The following HIVEP3 variants were observed in gnomAD, a reference collection of about 807,000 sequenced individuals.
The protein encoded by HIVEP3 is transcription factor HIVEP3.
In HIVEP3, 49 loss-of-function variants were observed where a neutral mutation model predicts 152.8. That is an observed-to-expected ratio of 0.32 (90% CI 0.26 to 0.41). The LOEUF (loss-of-function observed/expected upper bound fraction) is 0.41, where lower values mean the gene tolerates loss of function less well. Among genes scored for constraint, HIVEP3 ranks in the 10% least tolerant of loss-of-function variants. The pLI, the probability that HIVEP3 is intolerant of heterozygous loss-of-function variation, is 1.00. For synonymous variants in HIVEP3, 1,269 were observed against 1,289.0 expected, an observed-to-expected ratio of 0.98 and a Z score of 0.33; for missense variants, 2,790 against 3,103.3, an observed-to-expected ratio of 0.90 and a Z score of 2.40.
intron 3 of HIVEP3, among the ~76,000 whole-genome samples, chr1:41,626,742 C>T (rs1051640936): frequency 6.6e-6 from 1 of 152,160 alleles, no homozygotes; most frequent in Admixed American, 6.5e-5. Flanking sequence ...GGAAGTGCCC[C>T]AGGATGCCGA....
At chr1:41,980,416 TC>T (rs1445444697) in intron 1 of HIVEP3, among the ~76,000 whole-genome samples, 1 of 152,176 alleles carries the variant, frequency 6.6e-6, no homozygotes, top group Non-Finnish European at 1.5e-5. Flanking sequence ...GCGATGAATG[TC>T]AAAGGCATTC....
intron 1 of HIVEP3, among the ~76,000 whole-genome samples, chr1:42,030,175 A>C (rs1241691603): frequency 6.6e-6 from 1 of 152,170 alleles, no homozygotes; most frequent in African/African-American, 2.4e-5. Context: ...AGTTTGTCCA[A>C]CCTAGAGCCC....
chr1:41,815,060 C>G (rs745909252), intron 1 of HIVEP3, among the ~76,000 whole-genome samples: 9 of 152,220 alleles, frequency 5.9e-5, no homozygotes, highest in Admixed American at 4.6e-4. Context: ...GTAAGAGGTG[C>G]TATGAAGAAA....
chr1:41,997,175 T>C (rs1645400482), intron 1 of HIVEP3, among the ~76,000 whole-genome samples: 1 of 152,228 alleles, frequency 6.6e-6, no homozygotes, highest in South Asian at 2.1e-4. Flanking sequence ...TCACATAGCA[T>C]AGCATCATGT....
chr1:41,810,011 C>G (rs1301498145), intron 1 of HIVEP3, among the ~76,000 whole-genome samples: 1 of 152,184 alleles, frequency 6.6e-6, no homozygotes, highest in African/African-American at 2.4e-5. Context: ...GTGGGTGCAG[C>G]TGCCCAAATT....
At chr1:41,944,796 A>T (rs575353549) in intron 1 of HIVEP3, among the ~76,000 whole-genome samples, 1 of 152,324 alleles carries the variant, frequency 6.6e-6, no homozygotes, top group African/African-American at 2.4e-5. Context: ...ACTAATGCTC[A>T]TCGGAAAATG....
chr1:41,810,992 T>C (rs1292288314), intron 1 of HIVEP3, among the ~76,000 whole-genome samples: 1 of 152,164 alleles, frequency 6.6e-6, no homozygotes, highest in African/African-American at 2.4e-5. Flanking sequence ...TCCCTTCCTA[T>C]CAACTGCAGA....
chr1:41,524,373 C>T (rs896251828), intron 6 of HIVEP3, among the ~76,000 whole-genome samples: 8 of 152,118 alleles, frequency 5.3e-5, no homozygotes, highest in Non-Finnish European at 1.2e-4. Flanking sequence ...TGGAGTGTCT[C>T]AGATCAGTGG....
intron 2 of HIVEP3, among the ~76,000 whole-genome samples, chr1:41,635,599 T>C (rs1180490366): frequency 3.6e-5 from 1 of 28,116 alleles, no homozygotes; most frequent in Non-Finnish European, 7.0e-5. Context: ...TATACATACG[T>C]ATGTATATAT....
At chr1:41,587,475 T>A (rs1477262974) in intron 3 of HIVEP3, among the ~76,000 whole-genome samples, 1 of 152,090 alleles carries the variant, frequency 6.6e-6, no homozygotes, top group Non-Finnish European at 1.5e-5. Context: ...CTACTAACAG[T>A]CATCGAGGAA....
upstream of HIVEP3, among the ~76,000 whole-genome samples, chr1:41,921,385 T>C (rs1644940894): frequency 6.6e-6 from 1 of 152,134 alleles, no homozygotes; most frequent in African/African-American, 2.4e-5. Context: ...GTTTTTCTCA[T>C]GCTGTTCTTG....
chr1:41,803,598 C>A (rs1012315613), intron 1 of HIVEP3, among the ~76,000 whole-genome samples: 9 of 152,218 alleles, frequency 5.9e-5, no homozygotes, highest in Non-Finnish European at 1.0e-4. Context: ...TACCCAGAGG[C>A]CCCACTGGGC....
intron 1 of HIVEP3, among the ~76,000 whole-genome samples, chr1:41,749,917 T>G (rs1435116159): frequency 2.0e-5 from 3 of 152,222 alleles, no homozygotes; most frequent in Admixed American, 6.5e-5. Flanking sequence ...AAATGTTACA[T>G]GAGCAAATGG....
chr1:41,684,045 G>T (rs1436917642), intron 2 of HIVEP3, among the ~76,000 whole-genome samples: 1 of 152,210 alleles, frequency 6.6e-6, no homozygotes, highest in East Asian at 1.9e-4. Flanking sequence ...CTTTAAAAAA[G>T]ACCTTTGCCT....
At chr1:42,008,057 A>G (rs1645470786) in intron 1 of HIVEP3, among the ~76,000 whole-genome samples, 1 of 152,202 alleles carries the variant, frequency 6.6e-6, no homozygotes, top group African/African-American at 2.4e-5. Context: ...TGATAAATTT[A>G]CATCATATTC....
chr1:41,784,535 T>C (rs971485885), intron 1 of HIVEP3, among the ~76,000 whole-genome samples: 1 of 152,214 alleles, frequency 6.6e-6, no homozygotes, highest in Non-Finnish European at 1.5e-5. Flanking sequence ...GAGCAATTGC[T>C]CTTGACTTGC....
chr1:41,808,227 C>A (rs1243895836), intron 1 of HIVEP3, among the ~76,000 whole-genome samples: 1 of 152,230 alleles, frequency 6.6e-6, no homozygotes, highest in African/African-American at 2.4e-5. Context: ...TGGGGCTGGA[C>A]TTGAACCTGA....
At chr1:41,992,290 T>G (rs1645366902) in intron 1 of HIVEP3, among the ~76,000 whole-genome samples, 1 of 152,102 alleles carries the variant, frequency 6.6e-6, no homozygotes, top group African/African-American at 2.4e-5. Flanking sequence ...GATAAGCAAC[T>G]TCAGCAAAGT....
At chr1:41,914,418 C>A (rs1644840431) in intron 1 of HIVEP3, among the ~76,000 whole-genome samples, 1 of 152,124 alleles carries the variant, frequency 6.6e-6, no homozygotes, top group South Asian at 2.1e-4. Context: ...AGTAAGTTAC[C>A]AAAACAATGA....
Sources: allele counts gnomAD v4.1 joint callset (sites outside exome capture counted in the v4.1 genomes callset), GRCh38; gene constraint gnomAD v4.1.1; transcripts MANE v1.5; gene names NCBI Gene and HGNC (gene_info 2026-07-23, HGNC 2026-07-21).